Variants in ERCC8 observed in about 807,000 individuals in gnomAD.
ERCC8 encodes the protein ERCC excision repair 8, CSA ubiquitin ligase complex subunit, also known as DNA excision repair protein ERCC-8.
A neutral mutation model predicts 54.9 loss-of-function variants in ERCC8; 52 were observed. That is an observed-to-expected ratio of 0.95 (90% CI 0.76 to 1.19). ERCC8 has a LOEUF of 1.19. Ranked by LOEUF, ERCC8 falls within the 50% of genes most tolerant of loss-of-function variation. ERCC8 has a pLI of 0.00. For missense variants in ERCC8, 514 were observed against 466.1 expected (o/e 1.10, Z -0.95); for synonymous variants, 146 against 157.2 (o/e 0.93, Z 0.53).
intron 2 of ERCC8, chr5:60,924,173 A>G (rs1209178198): frequency 6.6e-6 from 1 of 152,336 alleles, no homozygotes; most frequent in Admixed American, 6.6e-5. Flanking sequence ...AATTTAAAAT[A>G]ATTTCTATTT....
intron 1 of ERCC8, among the ~76,000 whole-genome samples, chr5:60,938,511 A>T (rs1027899026): frequency 1.1e-4 from 16 of 151,476 alleles, no homozygotes; most frequent in Non-Finnish European, 1.8e-4. Context: ...GTGCCACCAC[A>T]CCCGGCTAAT....
At position 60,869,960 on chromosome 5, in the gene ERCC8, C is replaced by T. The variant is rs544131634; in HGVS notation, c.*4655G>A. ...GCACTGGAGAGAAGTTATACATGAT[C>T]GCTGCCTTCATAATAGATTCATTGA... On this transcript the variant is annotated 3_prime_UTR_variant, in exon 12 of 12. Coordinates refer to ENST00000676185, the MANE Select transcript of ERCC8 (RefSeq NM_000082.4). 1.3e-5 allele frequency among the ~76,000 whole-genome samples: 2 copies of T among 152,212 alleles called. No individual in the cohort carries two copies. Among genetic ancestry groups the T allele is most frequent in the East Asian group, 1.9e-4 (1 of 5,178 alleles).
intron 1 of ERCC8, among the ~76,000 whole-genome samples, chr5:60,938,565 G>T (rs956479289): frequency 2.6e-5 from 4 of 151,798 alleles, no homozygotes; most frequent in African/African-American, 9.7e-5. Context: ...TGTTGGCCAC[G>T]CTGGTCTCGA....
intron 1 of ERCC8, among the ~76,000 whole-genome samples, chr5:60,937,741 A>G (rs900831366): frequency 2.0e-5 from 3 of 152,120 alleles, no homozygotes; most frequent in African/African-American, 7.2e-5. Flanking sequence ...CAGCCAACTC[A>G]CAGTTCCTTG....
intron 2 of ERCC8, among the ~76,000 whole-genome samples, chr5:60,925,510 A>G (rs1223449416): frequency 6.6e-6 from 1 of 152,168 alleles, no homozygotes; most frequent in Non-Finnish European, 1.5e-5. Flanking sequence ...ATCTTCTCCC[A>G]GTTTGAGCTG....
At position 60,899,609 on chromosome 5, in the gene ERCC8, T is replaced by G; in HGVS notation, c.718+18A>C. On this transcript the variant is annotated intron_variant, in intron 8 of 11. Transcript: ENST00000676185. ...AAAATACTATCATTGTCATATTTAT[T>G]AATGCGTTCTTCCTTACCTGATTCA... 6.5e-7 allele frequency: 1 copy of G among 1,533,392 alleles called. No homozygotes were observed. The highest frequency in any genetic ancestry group is 1.1e-5 in the South Asian group (1 of 89,444). 95.0% of individuals were successfully genotyped at this position (1,533,392 alleles called of 1,614,324 possible).
rs372236542 is a variant in ERCC8, at chr5:60,945,016, C to T, written c.-8G>A. 4 of 1,612,952 alleles carry T rather than the reference C, an allele frequency of 2.5e-6. No homozygotes were observed. The highest frequency in any genetic ancestry group is 2.2e-5 in the East Asian group (1 of 44,854). On this transcript the variant is annotated 5_prime_UTR_variant, in exon 1 of 12. Coordinates refer to ENST00000676185, the MANE Select transcript of ERCC8 (RefSeq NM_000082.4). ...GGACAAAAACCCCAGCATATCGTGTCCTCACACCGGCTGGAGCACTGGACG... is the reference window on the plus strand; with the variant it reads ...GGACAAAAACCCCAGCATATCGTGTTCTCACACCGGCTGGAGCACTGGACG...
rs1410843939 is a variant in ERCC8 at position 60,906,061 on chromosome 5, C to T, written c.400-1188G>A. Among the ~76,000 whole-genome samples the T allele has an allele frequency of 3.9e-5, 6 of 152,088 alleles. No individual in the cohort carries two copies. In the East Asian group the frequency reaches 7.7e-4, roughly 20 times the overall value. On this transcript the variant is annotated intron_variant, in intron 4 of 11. Coordinates refer to ENST00000676185, the MANE Select transcript of ERCC8 (RefSeq NM_000082.4). ...ATCCTGAAAAGATATCTCAAAAGGCCAATCTCAGGTTCTACAGTTGTGATG... is the reference window on the plus strand; with the variant it reads ...ATCCTGAAAAGATATCTCAAAAGGCTAATCTCAGGTTCTACAGTTGTGATG...
intron 11 of ERCC8, among the ~76,000 whole-genome samples, chr5:60,881,274 G>T (rs947549973): frequency 1.3e-5 from 2 of 152,108 alleles, no homozygotes; most frequent in Non-Finnish European, 2.9e-5. Flanking sequence ...TGCCCCTACT[G>T]GGGGGTGCCT....
intron 2 of ERCC8, among the ~76,000 whole-genome samples, chr5:60,925,795 A>G (rs1749730051): frequency 6.6e-6 from 1 of 152,084 alleles, no homozygotes; most frequent in African/African-American, 2.4e-5. Flanking sequence ...GAACTAGAGG[A>G]ACATTAAAAA....
At chr5:60,940,326 G>A (rs908775195) in intron 1 of ERCC8, among the ~76,000 whole-genome samples, 1 of 152,226 alleles carries the variant, frequency 6.6e-6, no homozygotes, top group Admixed American at 6.5e-5. Flanking sequence ...GAACTCTGAG[G>A]AAGGGAAATT....
At chr5:60,884,853 T>A (rs1234200803) in intron 11 of ERCC8, among the ~76,000 whole-genome samples, 1 of 152,142 alleles carries the variant, frequency 6.6e-6, no homozygotes, top group African/African-American at 2.4e-5. Context: ...GTTTTATAGC[T>A]CTAAAACAAA....
In ERCC8 at chr5:60,870,963, C is replaced by T. The variant is rs567879604; in HGVS notation, c.*3652G>A. 1.3e-5 allele frequency among the ~76,000 whole-genome samples: 2 copies of T among 152,100 alleles called. No individual in the cohort carries two copies. Among genetic ancestry groups the T allele is most frequent in the South Asian group, 2.1e-4 (1 of 4,820 alleles). On this transcript the variant is annotated 3_prime_UTR_variant, in exon 12 of 12. Coordinates refer to ENST00000676185, the MANE Select transcript of ERCC8 (RefSeq NM_000082.4). ...CTTCCAGCTGTAACGAATGAATTCCCTACAAAGGGAAAAAAAACCAAAGTG... is the reference window on the plus strand; with the variant it reads ...CTTCCAGCTGTAACGAATGAATTCCTTACAAAGGGAAAAAAAACCAAAGTG...
chr5:60,911,313 A>C (rs1749252562), intron 4 of ERCC8, among the ~76,000 whole-genome samples: 1 of 151,666 alleles, frequency 6.6e-6, no homozygotes, highest in South Asian at 2.1e-4. Flanking sequence ...ATGGTATCAC[A>C]CTGTGGTTTT....
chr5:60,926,597 T>C (rs575170322), intron 2 of ERCC8, among the ~76,000 whole-genome samples: 1 of 152,344 alleles, frequency 6.6e-6, no homozygotes, highest in South Asian at 2.1e-4. Context: ...TATTCCACAT[T>C]AGCTTTATTA....
intron 1 of ERCC8, among the ~76,000 whole-genome samples, chr5:60,935,458 G>A (rs1328278554): frequency 6.6e-6 from 1 of 152,026 alleles, no homozygotes; most frequent in Non-Finnish European, 1.5e-5. Flanking sequence ...GGGTTTTCTA[G>A]GTATACAATC....
chr5:60,905,027 T>C (rs567326648), intron 4 of ERCC8, among the ~76,000 whole-genome samples, 154 bp from the exon 5 acceptor site: 1 of 152,218 alleles, frequency 6.6e-6, no homozygotes, highest in Non-Finnish European at 1.5e-5. Context: ...CAAAAAACCT[T>C]GATAATTTGA....
chr5:60,904,476 G>A (rs1165841848), intron 5 of ERCC8, among the ~76,000 whole-genome samples: 1 of 151,478 alleles, frequency 6.6e-6, no homozygotes, highest in African/African-American at 2.4e-5. Flanking sequence ...TTTTATTCAT[G>A]TAAAATCTCT....
At chr5:60,882,698 A>G (rs1748272829) in intron 11 of ERCC8, among the ~76,000 whole-genome samples, 1 of 152,096 alleles carries the variant, frequency 6.6e-6, no homozygotes, top group Non-Finnish European at 1.5e-5. Flanking sequence ...CGAAACTATT[A>G]TTAAACCTCA....
Sources: allele counts gnomAD v4.1 joint callset (sites outside exome capture counted in the v4.1 genomes callset), GRCh38; gene constraint gnomAD v4.1.1; transcripts MANE v1.5; gene names NCBI Gene and HGNC (gene_info 2026-07-23, HGNC 2026-07-21).